FAM47E: variants seen among roughly 807,000 people sequenced by gnomAD.
The protein encoded by FAM47E is protein FAM47E.
Under a neutral mutation model 41.6 loss-of-function variants are expected in FAM47E, and 32 were observed. The ratio of observed to expected loss-of-function variants is 0.77; its 90% confidence interval spans 0.58 to 1.03. The LOEUF (loss-of-function observed/expected upper bound fraction) is 1.03. Ranked by LOEUF, FAM47E falls within the 50% of genes least tolerant of loss-of-function variation. The pLI, the probability that FAM47E is intolerant of heterozygous loss-of-function variation, is 0.00. For missense variants in FAM47E, 424 were observed against 485.4 expected, an observed-to-expected ratio of 0.87 and a Z score of 1.19; for synonymous variants, 184 against 188.7, an observed-to-expected ratio of 0.98 and a Z score of 0.20.
chr4:76,243,671 T>C (rs1317321719), intron 2 of FAM47E, among the ~76,000 whole-genome samples: 1 of 152,224 alleles, frequency 6.6e-6, no homozygotes, highest in Non-Finnish European at 1.5e-5. Context: ...TCCACTTCTG[T>C]TCCTCTGCCC....
chr4:76,214,967 T>C (rs1257509112), intron 1 of FAM47E, among the ~76,000 whole-genome samples: 1 of 152,170 alleles, frequency 6.6e-6, no homozygotes, highest in Non-Finnish European at 1.5e-5. Context: ...ATACAGTCCA[T>C]GTATAAAAAG....
intron 2 of FAM47E, among the ~76,000 whole-genome samples, chr4:76,245,012 A>G (rs1733794842): frequency 1.3e-5 from 2 of 152,146 alleles, no homozygotes; most frequent in Non-Finnish European, 2.9e-5. Context: ...TATCTAGACT[A>G]TTGCTTCTAA....
intron 4 of FAM47E, chr4:76,269,744 T>A (rs1315447761): frequency 2.6e-5 from 4 of 151,774 alleles, no homozygotes; most frequent in Admixed American, 2.6e-4. Context: ...GCTGTCATCA[T>A]GCCATTGCAC....
In FAM47E at chr4:76,251,775, C is replaced by A. The variant is rs1269651020; in HGVS notation, c.29C>A (p.Pro10Gln). MADRRRRLR[P>Q]GTLAPVREGV... ...GCGGACCGCAGGCGGCGGCTCCGGC[C>A]GGGGACGTTGGCCCCGGTGCGCGAG... Residue 10 changes from proline (P) to glutamine (Q), a missense_variant, in exon 1 of 8, where the codon CCG (proline) becomes CAG (glutamine). Coordinates refer to ENST00000424749, the MANE Select transcript of FAM47E (RefSeq NM_001136570.3). 1 of 1,489,856 alleles carries A rather than the reference C, an allele frequency of 6.7e-7. No homozygotes were observed. Among genetic ancestry groups the A allele is most frequent in the Non-Finnish European group, 8.9e-7 (1 of 1,126,244 alleles). 92.3% of individuals were successfully genotyped at this position (1,489,856 alleles called of 1,614,324 possible). A position where few individuals can be genotyped will look rare whatever the true frequency, so the allele number is the denominator to read the frequency against.
chr4:76,218,799 C>G (rs556093402), intron 2 of FAM47E, among the ~76,000 whole-genome samples: 1 of 152,128 alleles, frequency 6.6e-6, no homozygotes, highest in African/African-American at 2.4e-5. Flanking sequence ...GGCGAGGAGT[C>G]AGGAGATCAA....
chr4:76,233,616 C>G (rs935455765), intron 2 of FAM47E, among the ~76,000 whole-genome samples: 2 of 151,476 alleles, frequency 1.3e-5, no homozygotes, highest in African/African-American at 4.9e-5. Context: ...ATGTAACTGA[C>G]AAGCATATAA....
intron 6 of FAM47E, 80 bp downstream of exon 6, chr4:76,278,304 T>TCTG: frequency 7.3e-7 from 1 of 1,363,442 alleles, no homozygotes; most frequent in Non-Finnish European, 9.5e-7. Context: ...TGAACCAGAC[T>TCTG]CTGCGGCGTA....
At chr4:76,226,546 G>C (rs990675304) in intron 2 of FAM47E, among the ~76,000 whole-genome samples, 3 of 152,122 alleles carry the variant, frequency 2.0e-5, no homozygotes, top group African/African-American at 7.2e-5. Context: ...TAGTGCTGTG[G>C]GGCAGCCTTC....
chr4:76,241,232 G>A (rs764139016), intron 2 of FAM47E, among the ~76,000 whole-genome samples: 52 of 152,052 alleles, frequency 3.4e-4, no homozygotes, highest in Non-Finnish European at 5.9e-4. Flanking sequence ...CAGTTGTTTT[G>A]AATGTCATAG....
intron 2 of FAM47E, among the ~76,000 whole-genome samples, chr4:76,224,998 C>G (rs547995137): frequency 6.6e-6 from 1 of 152,040 alleles, no homozygotes; most frequent in African/African-American, 2.4e-5. Context: ...ATCTTATATG[C>G]ATCCTCATAG....
At chr4:76,221,012 C>T (rs1381290293) in intron 2 of FAM47E, among the ~76,000 whole-genome samples, 1 of 152,140 alleles carries the variant, frequency 6.6e-6, no homozygotes, top group African/African-American at 2.4e-5. Flanking sequence ...AACTCACAGG[C>T]CCCAAGGTCC....
At chr4:76,215,395 C>T (rs923026106) in intron 1 of FAM47E, among the ~76,000 whole-genome samples, 10 of 152,234 alleles carry the variant, frequency 6.6e-5, no homozygotes, top group African/African-American at 2.4e-4. Context: ...TTCTACTCTG[C>T]GCATTGCTGC....
intron 5 of FAM47E, among the ~76,000 whole-genome samples, chr4:76,274,517 G>A (rs1010759666): frequency 6.6e-6 from 1 of 152,174 alleles, no homozygotes. Flanking sequence ...GGAGTTCAAG[G>A]CTATAGTGAG....
chr4:76,223,347 T>A (rs1269564161), intron 2 of FAM47E, among the ~76,000 whole-genome samples: 1 of 152,172 alleles, frequency 6.6e-6, no homozygotes, highest in African/African-American at 2.4e-5. Context: ...ATCTGCATCC[T>A]GGGGAGTGGT....
intron 1 of FAM47E, among the ~76,000 whole-genome samples, chr4:76,252,871 C>T (rs541567565): frequency 6.6e-6 from 1 of 152,270 alleles, no homozygotes; most frequent in East Asian, 1.9e-4. Flanking sequence ...ACGTCATTGG[C>T]AGAATATGCT....
At chr4:76,226,702 G>A (rs551641838) in intron 2 of FAM47E, among the ~76,000 whole-genome samples, 15 of 152,268 alleles carry the variant, frequency 9.9e-5, no homozygotes, top group African/African-American at 3.1e-4. Flanking sequence ...AAGTCTCACT[G>A]CTTGTTACTG....
chr4:76,214,354 G>T, exon 1 of FAM47E: 1 of 452,672 alleles, frequency 2.2e-6, no homozygotes, highest in Non-Finnish European at 4.4e-6. Context: ...AGTTTGTCAC[G>T]TAAGGGGCAT....
In FAM47E at chr4:76,271,689, G is replaced by C. The variant is rs916083372; in HGVS notation, c.791G>C (p.Arg264Pro). ...KLNQVPLELK[R>P]SVGLSKLQET... The stretch of plus-strand genomic sequence containing the variant: ...AATCAGGTTCCTCTGGAGCTAAAGC[G>C]TAGTGTGGGGCTCAGTAAACTGCAG... The change falls in exon 5 of 8, where the codon CGT becomes CCT. Residue 264 changes from arginine to proline, a missense_variant. Arg to Pro is a moderately radical substitution (Grantham distance 103). Transcript: ENST00000424749. 2 of 1,551,914 alleles carry C rather than the reference G, an allele frequency of 1.3e-6. No individual in the cohort carries two copies. Among genetic ancestry groups the C allele is most frequent in the Non-Finnish European group, 1.7e-6 (2 of 1,147,028 alleles).
chr4:76,259,435 G>A (rs2110008354), intron 2 of FAM47E, among the ~76,000 whole-genome samples: 1 of 152,304 alleles, frequency 6.6e-6, no homozygotes, highest in African/African-American at 2.4e-5. Context: ...GCACTTTCAA[G>A]ACTGTCCCTA....
Sources: gnomAD v4.1 joint callset for allele counts (sites outside exome capture counted in the v4.1 genomes callset) on GRCh38, gnomAD v4.1.1 for gene constraint, MANE v1.5 for transcripts, NCBI Gene and HGNC (gene_info 2026-07-23, HGNC 2026-07-21) for gene names.